The following ENTREP2 variants were observed in gnomAD, a reference collection of about 807,000 sequenced individuals.
ENTREP2 encodes protein ENTREP2.
chr15:29,147,696 C>T, the ENTREP2 span, among the ~76,000 whole-genome samples: 25 of 152,186 alleles, frequency 1.6e-4, no homozygotes, highest in African/African-American at 5.5e-4. Flanking sequence ...CATGGTCTCA[C>T]GGTGGGAATG....
At chr15:29,150,456 A>T in the ENTREP2 span, among the ~76,000 whole-genome samples, 1 of 152,214 alleles carries the variant, frequency 6.6e-6, no homozygotes, top group Non-Finnish European at 1.5e-5. Flanking sequence ...GGTCAAATGG[A>T]TGTGATATTT....
At chr15:29,479,376 G>C in the ENTREP2 span, among the ~76,000 whole-genome samples, 1 of 152,016 alleles carries the variant, frequency 6.6e-6, no homozygotes, top group Non-Finnish European at 1.5e-5. Flanking sequence ...AACCAAGAGT[G>C]AATTAAACTT....
the ENTREP2 span, among the ~76,000 whole-genome samples, chr15:29,440,563 T>C: frequency 3.4e-3 from 522 of 152,310 alleles, 7 homozygotes; most frequent in East Asian, 1.3e-3. Context: ...CCGCAATTAA[T>C]GTCACCACAA....
the ENTREP2 span, among the ~76,000 whole-genome samples, chr15:29,352,424 G>A: frequency 2.0e-5 from 3 of 152,192 alleles, no homozygotes; most frequent in Non-Finnish European, 4.4e-5. Context: ...TTCAATGGAA[G>A]TTTTATTGTT....
the ENTREP2 span, among the ~76,000 whole-genome samples, chr15:29,291,464 GT>G: frequency 6.6e-6 from 1 of 152,168 alleles, no homozygotes; most frequent in South Asian, 2.1e-4. Flanking sequence ...CTGTAAACCA[GT>G]GCTCCTTTTG....
the ENTREP2 span, among the ~76,000 whole-genome samples, chr15:29,440,277 C>A: frequency 6.6e-6 from 1 of 152,262 alleles, no homozygotes; most frequent in South Asian, 2.1e-4. Flanking sequence ...GAGCAACTCC[C>A]CGCTTCTGTG....
the ENTREP2 span, among the ~76,000 whole-genome samples, chr15:29,482,886 G>A: frequency 1.3e-5 from 2 of 152,320 alleles, no homozygotes; most frequent in African/African-American, 4.8e-5. Flanking sequence ...CATAGGGTAA[G>A]AGTATGTTTC....
At chr15:29,463,536 TGA>T in the ENTREP2 span, among the ~76,000 whole-genome samples, 116,604 of 151,916 alleles carry the variant, frequency 0.77, 46,201 homozygotes, top group East Asian at 0.99. Context: ...AATGCACAGA[TGA>T]GAGAGAGAGA....
At chr15:29,560,778 G>A in the ENTREP2 span, among the ~76,000 whole-genome samples, 1 of 151,848 alleles carries the variant, frequency 6.6e-6, no homozygotes, top group Non-Finnish European at 1.5e-5. Context: ...TGTTCAACAT[G>A]TCCCACAGCA....
the ENTREP2 span, among the ~76,000 whole-genome samples, chr15:29,261,582 C>G: frequency 1.3e-5 from 2 of 152,038 alleles, no homozygotes; most frequent in Non-Finnish European, 2.9e-5. Flanking sequence ...TGGAACATAC[C>G]AAAAGCTAAC....
chr15:29,580,188 C>G, the ENTREP2 span, among the ~76,000 whole-genome samples: 1 of 152,056 alleles, frequency 6.6e-6, no homozygotes, highest in African/African-American at 2.4e-5. Flanking sequence ...ATGGGTCACT[C>G]CTGCTGAGAA....
the ENTREP2 span, among the ~76,000 whole-genome samples, chr15:29,280,085 A>G: frequency 4.6e-5 from 7 of 152,230 alleles, no homozygotes; most frequent in Admixed American, 3.3e-4. Flanking sequence ...AAAAACCCTC[A>G]GTTATGTACA....
chr15:29,119,964 A>G, the ENTREP2 span, among the ~76,000 whole-genome samples: 1 of 152,238 alleles, frequency 6.6e-6, no homozygotes, highest in Non-Finnish European at 1.5e-5. Flanking sequence ...TTAAGGAAAC[A>G]TCTGAGCCAT....
the ENTREP2 span, among the ~76,000 whole-genome samples, chr15:29,531,122 C>T: frequency 6.6e-6 from 1 of 152,222 alleles, no homozygotes; most frequent in Non-Finnish European, 1.5e-5. Flanking sequence ...CTGTGTTCTA[C>T]CTTCCCCCCA....
At chr15:29,283,173 T>G in the ENTREP2 span, among the ~76,000 whole-genome samples, 1 of 152,124 alleles carries the variant, frequency 6.6e-6, no homozygotes, top group African/African-American at 2.4e-5. Context: ...CTGGAGCAGA[T>G]GAGAGGGAGC....
the ENTREP2 span, among the ~76,000 whole-genome samples, chr15:29,598,625 A>C: frequency 6.6e-6 from 1 of 152,350 alleles, no homozygotes; most frequent in East Asian, 1.9e-4. Context: ...AAACTACTAA[A>C]TGTATGGTAA....
the ENTREP2 span, among the ~76,000 whole-genome samples, chr15:29,192,599 T>C: frequency 6.6e-6 from 1 of 152,276 alleles, no homozygotes; most frequent in Non-Finnish European, 1.5e-5. Flanking sequence ...ATACCAGCTC[T>C]AGTGGAAAAG....
At chr15:29,434,581 T>C in the ENTREP2 span, among the ~76,000 whole-genome samples, 1 of 152,084 alleles carries the variant, frequency 6.6e-6, no homozygotes, top group Admixed American at 6.5e-5. Context: ...ATCCACATGG[T>C]GCAAAATAAA....
the ENTREP2 span, chr15:29,126,263 C>A: frequency 6.9e-7 from 1 of 1,457,350 alleles, no homozygotes; most frequent in South Asian, 1.4e-5. Flanking sequence ...CCTGGCCAAC[C>A]TACCTGCCAT....
Sources: allele counts gnomAD v4.1 joint callset (sites outside exome capture counted in the v4.1 genomes callset), GRCh38; gene constraint gnomAD v4.1.1; transcripts MANE v1.5; gene names NCBI Gene and HGNC (gene_info 2026-07-23, HGNC 2026-07-21).